Variants in TRIM50 observed in about 807,000 individuals in gnomAD.
The protein encoded by TRIM50 is E3 ubiquitin-protein ligase TRIM50.
In TRIM50, 34 loss-of-function variants were observed where a neutral mutation model predicts 44.9. The observed-to-expected ratio is 0.76, with a 90% CI of 0.58 to 1.01. The LOEUF is 1.01. Among genes scored for constraint, TRIM50 ranks in the 50% least tolerant of loss-of-function variants. The probability of loss-of-function intolerance (pLI) is 0.00; values close to 1 mark genes in which losing one functional copy is unlikely to be tolerated. For synonymous variants in TRIM50, 307 were observed against 291.1 expected (o/e 1.05, Z -0.56); for missense variants, 633 against 663.7 (o/e 0.95, Z 0.51).
At chr7:73,324,850 CCT>C (rs1244310395) in intron 1 of TRIM50, 45 bp from the exon 2 acceptor site, 3 of 1,608,208 alleles carry the variant, frequency 1.9e-6, no homozygotes, top group African/African-American at 2.7e-5. Context: ...CTCCCCTCCC[CCT>C]GTCCAGCACT....
At chr7:73,318,153 G>T (rs1554544408) in intron 5 of TRIM50, among the ~76,000 whole-genome samples, 2 of 152,138 alleles carry the variant, frequency 1.3e-5, no homozygotes, top group Non-Finnish European at 2.9e-5. Context: ...CTGAGACAGG[G>T]TCTCGCTCCG....
At position 73,313,043 on chromosome 7, in the gene TRIM50, C is replaced by A; in HGVS notation, c.1342G>T (p.Gly448Cys). Residue 448 changes from glycine (G) to cysteine (C), a missense_variant, in exon 7 of 7, where the codon GGC (glycine) becomes TGC (cysteine). By Grantham distance (159) the Gly-to-Cys change is radical. Transcript: ENST00000333149. This position sits in a 1 kb window ranked among gnomAD's most constrained non-coding sequence, Gnocchi z 4.9. ...GTGTCCAGGATGGGGTAGAGCTTGC[C>A]CTGGAAGTCGGCCTGGAAGGTGTAG... is the stretch of plus-strand genomic sequence containing the variant. ...PLYTFQADFQ[G>C]KLYPILDTCW... 1.9e-6 allele frequency: 3 copies of A among 1,575,052 alleles called. No homozygotes were observed. The highest frequency in any genetic ancestry group is 2.6e-6 in the Non-Finnish European group (3 of 1,160,380).
At chr7:73,323,821 T>C (rs181539447) in intron 2 of TRIM50, among the ~76,000 whole-genome samples, 34 of 152,224 alleles carry the variant, frequency 2.2e-4, no homozygotes, top group Non-Finnish European at 3.5e-4. Flanking sequence ...AGGAGGATCA[T>C]TGGAGGCCAA....
In TRIM50 at chr7:73,324,280, G is replaced by A. The variant is rs1417943364; in HGVS notation, c.399+109C>T. On this transcript the variant is annotated intron_variant, in intron 2 of 6. Transcript: ENST00000333149. Reference sequence around the variant, plus strand: ...ATGAATGCGCCAGGGCACAGCTGCAGGGAAATCGAGGATAGCTGGATCCTT... The same window carrying A: ...ATGAATGCGCCAGGGCACAGCTGCAAGGAAATCGAGGATAGCTGGATCCTT... 8.9e-6 allele frequency: 14 copies of A among 1,571,964 alleles called. No homozygotes were observed. In the South Asian group the frequency reaches 1.5e-4, roughly 17 times the overall value.
intron 2 of TRIM50, chr7:73,321,854 A>C (rs1339484602): frequency 6.6e-6 from 1 of 152,292 alleles, no homozygotes; most frequent in African/African-American, 2.4e-5. Flanking sequence ...CGACATTCCA[A>C]TGTCACTCTC....
rs376749412 is a variant in TRIM50, at chr7:73,327,985, G to T, written c.-104C>A. The T allele has an allele frequency of 1.7e-6, 1 of 575,570 alleles. No individual in the cohort carries two copies. The highest frequency in any genetic ancestry group is 2.1e-5 in the South Asian group (1 of 48,494). The allele number at this position is 575,570 out of a possible 1,614,324, so 35.7% of individuals were successfully genotyped here. A position where few individuals can be genotyped will look rare whatever the true frequency, so the allele number is the denominator to read the frequency against. On this transcript the variant is annotated 5_prime_UTR_variant, in exon 1 of 7. Transcript: ENST00000333149. ...ATCCTGCCCCGCGAGCTCCAATTAC[G>T]TGCCCCACCTAACCCCCCACGTCCG...
rs1554543674 is a variant in TRIM50, at chr7:73,313,800, G to C, written c.875-290C>G. Among the ~76,000 whole-genome samples the C allele has an allele frequency of 6.6e-6, 1 of 152,226 alleles. No homozygotes were observed. On this transcript the variant is annotated intron_variant, in intron 6 of 6. Coordinates refer to ENST00000333149, the MANE Select transcript of TRIM50 (RefSeq NM_178125.3). The surrounding 1 kb of genome is among the most constrained non-coding windows in gnomAD (Gnocchi z 4.9). ...ATAAAAGGGAGCAGCTTGGTGGGCT[G>C]TGGGGGGCTGAGGTGGCTGGAGAAA...
chr7:73,324,749 C>G lies in TRIM50; in HGVS notation c.39G>C (p.Arg13=). The G allele has an allele frequency of 1.2e-6, 2 of 1,614,150 alleles. No homozygotes were observed. ...CCTCCAGGCAGATGGGACACTGAAG[C>G]CGGTCCTCCAGCTCTGGCAGGCTCA... ...WQVSLPELED[R]LQCPICLEVF... Residue 13 remains arginine, a synonymous_variant, in exon 2 of 7, where the codon CGG becomes CGC. Transcript: ENST00000333149.
rs576498564 is a variant in TRIM50, at chr7:73,318,896, T to C, written c.652A>G (p.Thr218Ala). 3.7e-5 allele frequency: 59 copies of C among 1,609,844 alleles called. No individual in the cohort carries two copies. Among genetic ancestry groups the C allele is most frequent in the Non-Finnish European group, 3.4e-5 (40 of 1,176,684 alleles). ...LDMQLEQAQGTRERLAQAECV... is the reference protein window; with the variant it reads ...LDMQLEQAQGARERLAQAECV... The stretch of plus-strand genomic sequence containing the variant: ...TCGGCTTGGGCCAGCCGCTCCCGGG[T>C]TCCCTGGGCCTGCTCCAGCTGCATG... The change falls in exon 4 of 7, where the codon ACC (threonine) becomes GCC (alanine). Residue 218 changes from threonine to alanine, a missense_variant. Coordinates refer to ENST00000333149, the MANE Select transcript of TRIM50 (RefSeq NM_178125.3).
rs782416026 is a variant in TRIM50, at chr7:73,318,822, C to T, written c.726G>A (p.Arg242=). ...ATGGGACGCCTCCCTGTCCACTCAC[C>T]CGGATGAACTTGTGGTGGTCCTCAT... ...FGNEDHHKFI[R]KFHSMASRAE... Residue 242 remains arginine (R), a splice_region_variant and synonymous_variant, in exon 4 of 7, where the codon CGG becomes CGA. Coordinates refer to ENST00000333149, the MANE Select transcript of TRIM50 (RefSeq NM_178125.3). 29 of 1,613,872 alleles carry T rather than the reference C, an allele frequency of 1.8e-5. No homozygotes were observed. The highest frequency in any genetic ancestry group is 2.5e-5 in the Non-Finnish European group (29 of 1,179,888).
At chr7:73,325,012 A>ATGTGTG (rs1491205645) in intron 1 of TRIM50, among the ~76,000 whole-genome samples, 2 of 103,718 alleles carry the variant, frequency 1.9e-5, no homozygotes, top group Non-Finnish European at 1.9e-5. Flanking sequence ...TCCCTTGAAG[A>ATGTGTG]TATGTGTGTG....
intron 1 of TRIM50, among the ~76,000 whole-genome samples, chr7:73,325,949 G>A (rs1473381317): frequency 6.6e-6 from 1 of 152,114 alleles, no homozygotes; most frequent in South Asian, 2.1e-4. Flanking sequence ...GTGCAGTGGC[G>A]TGGTCATAGC....
chr7:73,322,874 G>C (rs1263491681), intron 2 of TRIM50, among the ~76,000 whole-genome samples: 1 of 152,066 alleles, frequency 6.6e-6, no homozygotes, highest in African/African-American at 2.4e-5. Flanking sequence ...CGCTGTCCTG[G>C]TCTGCACACC....
In TRIM50 at chr7:73,313,023, C is replaced by T; in HGVS notation, c.1362G>A (p.Leu454=). 1 of 1,562,984 alleles carries T rather than the reference C, an allele frequency of 6.4e-7. No individual in the cohort carries two copies. Among genetic ancestry groups the T allele is most frequent in the Non-Finnish European group, 8.7e-7 (1 of 1,153,468 alleles). ...TGCCCCTCTCGTGCCAGCAGGTGTC[C>T]AGGATGGGGTAGAGCTTGCCCTGGA... The part of the protein sequence containing the change: ...ADFQGKLYPI[L]DTCWHERGSN... Residue 454 remains leucine, a synonymous_variant, in exon 7 of 7, where the codon CTG becomes CTA. Coordinates refer to ENST00000333149, the MANE Select transcript of TRIM50 (RefSeq NM_178125.3). The surrounding 1 kb of genome is among the most constrained non-coding windows in gnomAD (Gnocchi z 4.9).
In TRIM50 at chr7:73,313,271, G is replaced by A. The variant is rs1804272936; in HGVS notation, c.1114C>T (p.Arg372Cys). ...RLGVIKGTASRKGKLNRSPEH... is the reference protein window; with the variant it reads ...RLGVIKGTASCKGKLNRSPEH... Reference sequence around the variant, plus strand: ...GGGGACCTGTTCAGCTTGCCCTTACGGCTGGCTGTGCCCTTGATGACCCCC... The same window carrying A: ...GGGGACCTGTTCAGCTTGCCCTTACAGCTGGCTGTGCCCTTGATGACCCCC... Residue 372 changes from arginine (R) to cysteine (C), a missense_variant, in exon 7 of 7, where the codon CGT (arginine) becomes TGT (cysteine). Arg to Cys is a radical substitution (Grantham distance 180, BLOSUM62 -3). Transcript: ENST00000333149. The surrounding 1 kb of genome is among the most constrained non-coding windows in gnomAD (Gnocchi z 4.9). 1 of 1,602,084 alleles carries A rather than the reference G, an allele frequency of 6.2e-7. No homozygotes were observed. Among genetic ancestry groups the A allele is most frequent in the Non-Finnish European group, 8.5e-7 (1 of 1,175,242 alleles).
Position 73,328,048 on chromosome 7 carries a change from C to A in TRIM50, c.-167G>T. 1.3e-6 allele frequency: 1 copy of A among 750,574 alleles called. No homozygotes were observed. Among genetic ancestry groups the A allele is most frequent in the South Asian group, 1.8e-5 (1 of 57,102 alleles). 46.5% of individuals were successfully genotyped at this position (750,574 alleles called of 1,614,324 possible). On this transcript the variant is annotated 5_prime_UTR_variant, in exon 1 of 7. Transcript: ENST00000333149. ...ACCCGCACGCTATGGTTACATGCCCCGCCTCGCGCTACCGCGCGTGCCCCA... is the reference window on the plus strand; with the variant it reads ...ACCCGCACGCTATGGTTACATGCCCAGCCTCGCGCTACCGCGCGTGCCCCA...
rs371294385 is a variant in TRIM50 at position 73,318,669 on chromosome 7, T to A, written c.749+18A>T. ...CGCAGCCACCAGACCCTGGCTGAGC[T>A]CTCTCCAAGGTTATTACCTGGAGGC... On this transcript the variant is annotated intron_variant, in intron 5 of 6. Coordinates refer to ENST00000333149, the MANE Select transcript of TRIM50 (RefSeq NM_178125.3). The A allele has an allele frequency of 1.2e-6, 2 of 1,613,116 alleles. No individual in the cohort carries two copies. The highest frequency in any genetic ancestry group is 4.5e-5 in the East Asian group (2 of 44,890).
In TRIM50 at chr7:73,324,759, A is replaced by T. The variant is rs781978848; in HGVS notation, c.29T>A (p.Leu10Gln). ...GATGGGACACTGAAGCCGGTCCTCCAGCTCTGGCAGGCTCACCTGCCAAGC... is the reference window on the plus strand; with the variant it reads ...GATGGGACACTGAAGCCGGTCCTCCTGCTCTGGCAGGCTCACCTGCCAAGC... MAWQVSLPE[L>Q]EDRLQCPICL... The change falls in exon 2 of 7, where the codon CTG becomes CAG. Residue 10 changes from leucine (L) to glutamine (Q), a missense_variant. Physicochemically the swap from Leu to Gln is moderately radical, Grantham distance 113. Transcript: ENST00000333149. The T allele has an allele frequency of 6.2e-7, 1 of 1,614,082 alleles. No individual in the cohort carries two copies. The highest frequency in any genetic ancestry group is 1.1e-5 in the South Asian group (1 of 91,070).
intron 6 of TRIM50, chr7:73,314,455 G>T: frequency 2.4e-6 from 1 of 417,222 alleles, no homozygotes; most frequent in South Asian, 2.0e-5. Flanking sequence ...TGTTGGCCCT[G>T]ACTGAGAAGA....
Sources: allele counts gnomAD v4.1 joint callset (sites outside exome capture counted in the v4.1 genomes callset), GRCh38; gene constraint gnomAD v4.1.1; non-coding constraint Gnocchi (gnomAD v3.1); transcripts MANE v1.5; gene names NCBI Gene and HGNC (gene_info 2026-07-23, HGNC 2026-07-21).